The following GABRB1 variants were observed in gnomAD, a reference collection of about 807,000 sequenced individuals.
GABRB1 encodes gamma-aminobutyric acid receptor subunit beta-1.
GABRB1 carries 17 observed loss-of-function variants against 51.6 expected under a neutral mutation model. That is an observed-to-expected ratio of 0.33 (90% CI 0.23 to 0.49). The LOEUF is 0.49. Among genes scored for constraint, GABRB1 ranks in the 20% least tolerant of loss-of-function variants. GABRB1 has a pLI of 0.99. For missense variants in GABRB1, 410 were observed against 600.6 expected (o/e 0.68, Z 3.32); for synonymous variants, 247 against 218.9 (o/e 1.13, Z -1.14).
At chr4:47,399,568 CTCTCTT>C (rs1728308030) in intron 5 of GABRB1, among the ~76,000 whole-genome samples, 1 of 152,050 alleles carries the variant, frequency 6.6e-6, no homozygotes, top group African/African-American at 2.4e-5. Flanking sequence ...TTTACCGTTC[CTCTCTT>C]TCTAAGGTGG....
chr4:47,387,471 C>T (rs770717988), intron 5 of GABRB1, among the ~76,000 whole-genome samples: 16 of 152,022 alleles, frequency 1.1e-4, no homozygotes, highest in Non-Finnish European at 1.9e-4. Flanking sequence ...GACTCCATCT[C>T]AAAAAGCAAA....
chr4:47,305,208 T>G (rs756493057), intron 4 of GABRB1, among the ~76,000 whole-genome samples: 1 of 152,082 alleles, frequency 6.6e-6, no homozygotes, highest in Admixed American at 6.6e-5. Context: ...CAATTGAGAG[T>G]TCCTAAAATA....
intron 3 of GABRB1, among the ~76,000 whole-genome samples, chr4:47,067,897 A>T (rs1270928292): frequency 6.6e-6 from 1 of 151,960 alleles, no homozygotes; most frequent in Non-Finnish European, 1.5e-5. Flanking sequence ...CACTCCCAAC[A>T]GGCCCCAGTG....
chr4:47,345,954 G>A (rs527466823), intron 5 of GABRB1, among the ~76,000 whole-genome samples: 2 of 151,758 alleles, frequency 1.3e-5, no homozygotes, highest in Admixed American at 6.6e-5. Flanking sequence ...TTCCCACAAT[G>A]CCCCACATGA....
chr4:47,300,228 C>T (rs1274849045), intron 4 of GABRB1, among the ~76,000 whole-genome samples: 1 of 151,086 alleles, frequency 6.6e-6, no homozygotes, highest in Non-Finnish European at 1.5e-5. Context: ...TATCCTAAGA[C>T]CTAAAGTATA....
At chr4:47,188,123 A>G (rs1177171948) in intron 4 of GABRB1, among the ~76,000 whole-genome samples, 1 of 151,992 alleles carries the variant, frequency 6.6e-6, no homozygotes, top group African/African-American at 2.4e-5. Flanking sequence ...TGTAATCCCA[A>G]AGACTAGATC....
At chr4:47,408,953 G>T (rs972952285) in intron 8 of GABRB1, among the ~76,000 whole-genome samples, 4 of 152,316 alleles carry the variant, frequency 2.6e-5, no homozygotes, top group Admixed American at 6.5e-5. Flanking sequence ...ATTTAGGAAA[G>T]AATAATGAAG....
intron 4 of GABRB1, among the ~76,000 whole-genome samples, chr4:47,232,934 GT>G (rs1721196291): frequency 6.6e-6 from 1 of 150,650 alleles, no homozygotes; most frequent in East Asian, 1.9e-4. Context: ...GAGTGCAGTG[GT>G]TTGATCTCAG....
At chr4:47,220,899 T>C (rs866590372) in intron 4 of GABRB1, among the ~76,000 whole-genome samples, 3 of 152,164 alleles carry the variant, frequency 2.0e-5, no homozygotes, top group Middle Eastern at 3.4e-3. Flanking sequence ...GATCAAAGCA[T>C]CGCTCTAATT....
intron 4 of GABRB1, among the ~76,000 whole-genome samples, chr4:47,235,012 T>C (rs565247605): frequency 6.6e-6 from 1 of 152,324 alleles, no homozygotes; most frequent in South Asian, 2.1e-4. Flanking sequence ...GTATCCTTTG[T>C]ATTCAATCAG....
rs149142176 is a variant in GABRB1, at chr4:47,308,184, C to T, written c.462-11943C>T. Among the ~76,000 whole-genome samples the T allele has an allele frequency of 4.9e-3, 743 of 152,106 alleles. 6 individuals carry two copies. Among genetic ancestry groups the T allele is most frequent in the South Asian group, 0.029 (142 of 4,828 alleles). ...ATACTGTTTCCCATTGAAAAAATTA[C>T]AATCCTGATGCCGATGAGGAAAAGG... On this transcript the variant is annotated intron_variant, in intron 4 of 8. Coordinates refer to ENST00000295454, the MANE Select transcript of GABRB1 (RefSeq NM_000812.4).
At chr4:47,299,505 G>A (rs1236333953) in intron 4 of GABRB1, among the ~76,000 whole-genome samples, 1 of 152,070 alleles carries the variant, frequency 6.6e-6, no homozygotes, top group Admixed American at 6.5e-5. Context: ...ATCATCACTG[G>A]CCATCAGAGA....
intron 4 of GABRB1, among the ~76,000 whole-genome samples, chr4:47,165,671 C>A (rs562143612): frequency 3.3e-5 from 5 of 152,050 alleles, no homozygotes; most frequent in African/African-American, 4.8e-5. Context: ...GGATTCTTCA[C>A]GATTTGATCA....
intron 5 of GABRB1, among the ~76,000 whole-genome samples, chr4:47,371,414 T>A (rs1727191751): frequency 6.6e-6 from 1 of 152,222 alleles, no homozygotes; most frequent in Non-Finnish European, 1.5e-5. Context: ...GCATGTACAT[T>A]TATAATGGAA....
chr4:47,242,048 C>A (rs1323739913), intron 4 of GABRB1, among the ~76,000 whole-genome samples: 1 of 152,168 alleles, frequency 6.6e-6, no homozygotes, highest in East Asian at 1.9e-4. Flanking sequence ...CCACCCACCC[C>A]ACGACAGGCC....
At chr4:47,256,374 T>C (rs1461906837) in intron 4 of GABRB1, among the ~76,000 whole-genome samples, 1 of 152,240 alleles carries the variant, frequency 6.6e-6, no homozygotes, top group African/African-American at 2.4e-5. Flanking sequence ...CTGACCATTT[T>C]GGTACTCTTT....
chr4:47,326,452 A>G (rs961487439), intron 5 of GABRB1, among the ~76,000 whole-genome samples: 1 of 152,174 alleles, frequency 6.6e-6, no homozygotes, highest in African/African-American at 2.4e-5. Flanking sequence ...TAACTATTCT[A>G]TTTCATTATT....
chr4:47,110,787 A>T (rs1325219191), intron 3 of GABRB1, among the ~76,000 whole-genome samples: 4 of 152,188 alleles, frequency 2.6e-5, no homozygotes, highest in Non-Finnish European at 5.9e-5. Flanking sequence ...TAAAAGATGA[A>T]GCAACATTAA....
chr4:47,031,462 G>A (rs1725292267), upstream of GABRB1: 1 of 597,978 alleles, frequency 1.7e-6, no homozygotes, highest in Admixed American at 3.0e-5. Context: ...CCCCAAATAG[G>A]AACTTTAGAG....
Sources: allele counts gnomAD v4.1 joint callset (sites outside exome capture counted in the v4.1 genomes callset), GRCh38; gene constraint gnomAD v4.1.1; transcripts MANE v1.5; gene names NCBI Gene and HGNC (gene_info 2026-07-23, HGNC 2026-07-21).